Variants in ADAMTSL1 observed in about 807,000 individuals in gnomAD.
ADAMTSL1 encodes ADAMTS-like protein 1.
Under a neutral mutation model 201.8 loss-of-function variants are expected in ADAMTSL1, and 126 were observed. The ratio of observed to expected loss-of-function variants is 0.62; its 90% CI spans 0.54 to 0.72. The LOEUF (loss-of-function observed/expected upper bound fraction) is 0.72, where lower values mean the gene tolerates loss of function less well. Ranked by LOEUF, ADAMTSL1 falls within the 30% of genes least tolerant of loss-of-function variation. The pLI, the probability that ADAMTSL1 is intolerant of heterozygous loss-of-function variation, is 0.00. For missense variants in ADAMTSL1, 2,679 were observed against 2,277.8 expected (o/e 1.18, Z -3.59); for synonymous variants, 1,121 against 903.4 (o/e 1.24, Z -4.32).
chr9:18,486,477 GAGGAT>G (rs1563989758), intron 1 of ADAMTSL1, among the ~76,000 whole-genome samples: 1 of 152,226 alleles, frequency 6.6e-6, no homozygotes, highest in Non-Finnish European at 1.5e-5. Context: ...GCCAAGGCAG[GAGGAT>G]CGCTTGAGCC....
At chr9:17,944,260 A>T (rs1827362332) in intron 1 of ADAMTSL1, among the ~76,000 whole-genome samples, 2 of 152,318 alleles carry the variant, frequency 1.3e-5, no homozygotes, top group South Asian at 4.1e-4. Flanking sequence ...CATACAAGGG[A>T]CGTGAAGGAC....
intron 2 of ADAMTSL1, among the ~76,000 whole-genome samples, chr9:18,437,173 C>A (rs1819775603): frequency 6.6e-6 from 1 of 151,962 alleles, no homozygotes; most frequent in Non-Finnish European, 1.5e-5. Flanking sequence ...CCACTCCAAC[C>A]CTCTTGCAAA....
intron 4 of ADAMTSL1, chr9:18,574,497 TA>T (rs1822576176): frequency 1.9e-5 from 11 of 588,620 alleles, no homozygotes; most frequent in Non-Finnish European, 6.0e-6. Context: ...GTCACTTGAA[TA>T]TAAAAGAATA....
chr9:18,380,882 A>T (rs1158963976), intron 2 of ADAMTSL1, among the ~76,000 whole-genome samples: 1 of 152,172 alleles, frequency 6.6e-6, no homozygotes, highest in Non-Finnish European at 1.5e-5. Flanking sequence ...AAACGCAGGG[A>T]GAGGAATTGA....
rs145873214 is a variant in ADAMTSL1, at chr9:17,982,371, T to C, written c.87+75449T>C. 4.5e-3 allele frequency among the ~76,000 whole-genome samples: 687 copies of C among 152,182 alleles called. 7 individuals carry two copies. Among genetic ancestry groups the C allele is most frequent in the African/African-American group, 0.016 (658 of 41,518 alleles). Reference sequence around the variant, plus strand: ...GGCTCACGTCTGTAATCCCAGCACTTTGGGAGGCGGAGGTGGGTGGATCAC... The same window carrying C: ...GGCTCACGTCTGTAATCCCAGCACTCTGGGAGGCGGAGGTGGGTGGATCAC... On this transcript the variant is annotated intron_variant, in intron 1 of 29. Coordinates refer to the ADAMTSL1 transcript ENST00000680146.
chr9:17,953,199 C>T (rs1827798338), intron 1 of ADAMTSL1, among the ~76,000 whole-genome samples: 1 of 152,134 alleles, frequency 6.6e-6, no homozygotes, highest in Admixed American at 6.6e-5. Flanking sequence ...GTCACAAGGA[C>T]ATTTGTTCAT....
At chr9:18,821,373 G>A (rs1004478884) in intron 21 of ADAMTSL1, among the ~76,000 whole-genome samples, 2 of 152,170 alleles carry the variant, frequency 1.3e-5, no homozygotes, top group African/African-American at 4.8e-5. Flanking sequence ...TGCCTTCCAA[G>A]GTCTCCATAG....
At chr9:17,916,582 A>G (rs1463063051) in intron 1 of ADAMTSL1, among the ~76,000 whole-genome samples, 1 of 152,088 alleles carries the variant, frequency 6.6e-6, no homozygotes, top group African/African-American at 2.4e-5. Context: ...TCCTTTCTCC[A>G]CTGAATTGTC....
chr9:17,922,087 C>CTTT (rs33961485), intron 1 of ADAMTSL1, among the ~76,000 whole-genome samples: 9 of 144,684 alleles, frequency 6.2e-5, no homozygotes, highest in African/African-American at 1.8e-4. Context: ...GCAGTTCAGG[C>CTTT]TTTTTTTTTT....
chr9:18,061,336 T>C (rs1488415509), intron 1 of ADAMTSL1, among the ~76,000 whole-genome samples: 3 of 152,200 alleles, frequency 2.0e-5, no homozygotes, highest in East Asian at 1.9e-4. Flanking sequence ...GTGCTTCCTA[T>C]TGATGTCTCA....
chr9:18,289,073 A>C lies in ADAMTSL1; in HGVS notation c.207+125092A>C, dbSNP rs552155426. Among the ~76,000 whole-genome samples, 10 of 152,244 alleles carry C rather than the reference A, an allele frequency of 6.6e-5. No individual in the cohort carries two copies. In the South Asian group the frequency reaches 2.1e-3, roughly 32 times the overall value. On this transcript the variant is annotated intron_variant, in intron 2 of 29. Coordinates refer to the ADAMTSL1 transcript ENST00000680146. Reference sequence around the variant, plus strand: ...AATTATATATTAGTCTGGGTTCTCCAAAGAAATAGAACCAAAAAGATATAT... The same window carrying C: ...AATTATATATTAGTCTGGGTTCTCCCAAGAAATAGAACCAAAAAGATATAT...
At position 18,307,021 on chromosome 9, in the gene ADAMTSL1, T is replaced by C. The variant is rs200142622; in HGVS notation, c.207+143040T>C. Among the ~76,000 whole-genome samples the C allele has an allele frequency of 9.2e-5, 14 of 152,170 alleles. No homozygotes were observed. In the South Asian group the frequency reaches 2.5e-3, roughly 27 times the overall value. The stretch of plus-strand genomic sequence containing the variant: ...TCTGCAGAAACCCTACAAGCCAGAA[T>C]AGAGTGGGGGCCAATATTCAACATT... On this transcript the variant is annotated intron_variant, in intron 2 of 29. Coordinates refer to the ADAMTSL1 transcript ENST00000680146.
At chr9:17,970,128 C>T (rs1422007669) in intron 1 of ADAMTSL1, among the ~76,000 whole-genome samples, 1 of 151,928 alleles carries the variant, frequency 6.6e-6, no homozygotes, top group African/African-American at 2.4e-5. Context: ...AATGGGGCCT[C>T]ATCATTTTCC....
At chr9:18,089,463 C>CG (rs966088560) in intron 1 of ADAMTSL1, among the ~76,000 whole-genome samples, 4 of 48,716 alleles carry the variant, frequency 8.2e-5, no homozygotes, top group Non-Finnish European at 1.6e-4. Context: ...TGGGGCCTGT[C>CG]GGGGGGTGGG....
intron 1 of ADAMTSL1, among the ~76,000 whole-genome samples, chr9:18,103,331 C>G: frequency 6.6e-6 from 1 of 152,106 alleles, no homozygotes; most frequent in East Asian, 1.9e-4. Context: ...AAGTTTATTA[C>G]ATGCTACATA....
chr9:17,952,151 G>A (rs371031711), intron 1 of ADAMTSL1, among the ~76,000 whole-genome samples: 4 of 126,670 alleles, frequency 3.2e-5, no homozygotes, highest in African/African-American at 1.2e-4. Context: ...ATGGAATCTT[G>A]CTACGTTGCC....
Position 18,657,675 on chromosome 9 carries a change from T to C in ADAMTSL1, c.871T>C (p.Phe291Leu). 1 of 1,614,198 alleles carries C rather than the reference T, an allele frequency of 6.2e-7. No individual in the cohort carries two copies. Among genetic ancestry groups the C allele is most frequent in the South Asian group, 1.1e-5 (1 of 91,084 alleles). The change falls in exon 8 of 29, where the codon TTC (phenylalanine) becomes CTC (leucine). Residue 291 changes from phenylalanine to leucine, a missense_variant. Physicochemically the swap from Phe to Leu is conservative, Grantham distance 22. Transcript: ENST00000380548. ...NSGSADSTVQ[F>L]IFYQPIIHRW... ...GGGCTCCGCTGACAGTACAGTCCAG[T>C]TCATCTTCTATCAACCCATCATCCA... is the stretch of plus-strand genomic sequence containing the variant.
intron 2 of ADAMTSL1, among the ~76,000 whole-genome samples, chr9:18,384,637 A>G (rs994662898): frequency 6.6e-6 from 1 of 152,108 alleles, no homozygotes; most frequent in South Asian, 2.1e-4. Flanking sequence ...TGCCTCCTGT[A>G]ACTTCATAGG....
At chr9:18,593,156 T>C in intron 4 of ADAMTSL1, among the ~76,000 whole-genome samples, 1 of 152,134 alleles carries the variant, frequency 6.6e-6, no homozygotes, top group East Asian at 1.9e-4. Flanking sequence ...TTATATAATC[T>C]GCAAACAAGG....
Sources: gnomAD v4.1 joint callset for allele counts (sites outside exome capture counted in the v4.1 genomes callset) on GRCh38, gnomAD v4.1.1 for gene constraint, MANE v1.5 for transcripts, NCBI Gene and HGNC (gene_info 2026-07-23, HGNC 2026-07-21) for gene names.